The following STARD13 variants were observed in gnomAD, a reference collection of about 807,000 sequenced individuals.
The protein encoded by STARD13 is stAR-related lipid transfer protein 13.
Under a neutral mutation model 106.4 loss-of-function variants are expected in STARD13, and 62 were observed. That is an observed-to-expected ratio of 0.58 (90% CI 0.48 to 0.72). The LOEUF (loss-of-function observed/expected upper bound fraction) is 0.72, where lower values mean the gene tolerates loss of function less well. STARD13 is among the 30% of genes least tolerant of loss of function. The probability of loss-of-function intolerance (pLI) is 0.00; values close to 1 mark genes in which losing one functional copy is unlikely to be tolerated. For missense variants in STARD13, 1,387 were observed against 1,424.0 expected, an observed-to-expected ratio of 0.97 and a Z score of 0.42; for synonymous variants, 565 against 553.0, an observed-to-expected ratio of 1.02 and a Z score of -0.31.
chr13:33,253,897 A>T (rs1347073197), intron 1 of STARD13, among the ~76,000 whole-genome samples: 1 of 152,252 alleles, frequency 6.6e-6, no homozygotes, highest in African/African-American at 2.4e-5. Flanking sequence ...AACATAAATG[A>T]AGGTTTTTCA....
At chr13:33,575,811 C>T in the STARD13 span, among the ~76,000 whole-genome samples, 1 of 152,092 alleles carries the variant, frequency 6.6e-6, no homozygotes, top group Non-Finnish European at 1.5e-5. Context: ...CTAAATAAGC[C>T]TCTTTTTATT....
At chr13:33,662,518 G>A in the STARD13 span, among the ~76,000 whole-genome samples, 514 of 152,288 alleles carry the variant, frequency 3.4e-3, 1 homozygote, top group African/African-American at 0.012. Context: ...TGGTCAAGGT[G>A]CAAGTTACAT....
chr13:33,137,093 C>T (rs1447991067), intron 4 of STARD13, among the ~76,000 whole-genome samples: 1 of 152,112 alleles, frequency 6.6e-6, no homozygotes, highest in Non-Finnish European at 1.5e-5. Flanking sequence ...TCAGTTGAGC[C>T]TAACAATAAA....
At chr13:33,220,683 T>A (rs1295509451) in intron 1 of STARD13, among the ~76,000 whole-genome samples, 2 of 151,956 alleles carry the variant, frequency 1.3e-5, no homozygotes, top group African/African-American at 4.8e-5. Context: ...CAGAGCAAGA[T>A]TCCATCTCAA....
intron 4 of STARD13, among the ~76,000 whole-genome samples, chr13:33,137,554 A>T (rs552584349): frequency 6.6e-6 from 1 of 152,370 alleles, no homozygotes; most frequent in South Asian, 2.1e-4. Context: ...AGAAGGAATC[A>T]GCTCCTAGCT....
the STARD13 span, among the ~76,000 whole-genome samples, chr13:33,487,308 A>G: frequency 1.3e-5 from 2 of 152,174 alleles, no homozygotes; most frequent in South Asian, 4.1e-4. Flanking sequence ...ATATGTGTAA[A>G]GGATATGCTT....
chr13:33,129,523 T>C lies in STARD13; in HGVS notation c.1154A>G (p.His385Arg). ...LPDAGDQSRM[H>R]EFHSQENLVV... ...CAAATTCTCTTGGGAGTGAAATTCA[T>C]GCATACGGCTTTGGTCCCCTGCATC... is the stretch of plus-strand genomic sequence containing the variant. Residue 385 changes from histidine to arginine, a missense_variant, in exon 5 of 14, where the codon CAT becomes CGT. Coordinates refer to ENST00000336934, the MANE Select transcript of STARD13 (RefSeq NM_178006.4). 1 of 1,614,228 alleles carries C rather than the reference T, an allele frequency of 6.2e-7. No homozygotes were observed. Among genetic ancestry groups the C allele is most frequent in the Non-Finnish European group, 8.5e-7 (1 of 1,180,034 alleles).
chr13:33,177,764 AAGGAAAGG>A (rs1485874048), intron 1 of STARD13, among the ~76,000 whole-genome samples: 1 of 95,920 alleles, frequency 1.0e-5, no homozygotes, highest in African/African-American at 4.4e-5. Flanking sequence ...GGAAGGAAGG[AAGGAAAGG>A]AAGGAAGGAA....
chr13:33,116,653 A>T (rs775516274), intron 8 of STARD13, among the ~76,000 whole-genome samples: 7 of 152,256 alleles, frequency 4.6e-5, no homozygotes, highest in Non-Finnish European at 1.5e-5. Flanking sequence ...GATTAAATGT[A>T]AAAGACTCAT....
rs548539786 is a variant in STARD13, at chr13:33,126,067, G to A, written c.2082+14C>T. ...GGGGGTGGTGGGGCAGCAGCGGGGG[G>A]GTTACAGCCCTACCTGATCGAGGCA... On this transcript the variant is annotated intron_variant, in intron 7 of 13. Coordinates refer to ENST00000336934, the MANE Select transcript of STARD13 (RefSeq NM_178006.4). 6.2e-6 allele frequency: 10 copies of A among 1,612,534 alleles called. No homozygotes were observed. The highest frequency in any genetic ancestry group is 4.0e-5 in the African/African-American group (3 of 74,870).
At chr13:33,210,343 G>C (rs1429609693) in intron 1 of STARD13, among the ~76,000 whole-genome samples, 1 of 152,206 alleles carries the variant, frequency 6.6e-6, no homozygotes, top group African/African-American at 2.4e-5. Flanking sequence ...TCATGGATAA[G>C]AGTGTGCTCC....
At chr13:33,270,697 C>G (rs890148585) in intron 1 of STARD13, among the ~76,000 whole-genome samples, 1 of 152,180 alleles carries the variant, frequency 6.6e-6, no homozygotes, top group African/African-American at 2.4e-5. Context: ...CTACTGGGAA[C>G]ATAAGTGTTC....
chr13:33,233,755 C>A (rs1311288516), intron 1 of STARD13, among the ~76,000 whole-genome samples: 1 of 10,260 alleles, frequency 9.7e-5, no homozygotes, highest in African/African-American at 4.6e-4. Flanking sequence ...CACTGTAACA[C>A]CCCCTCTGGG....
chr13:33,594,270 A>G, the STARD13 span, among the ~76,000 whole-genome samples: 1 of 152,150 alleles, frequency 6.6e-6, no homozygotes, highest in Non-Finnish European at 1.5e-5. Flanking sequence ...AAACTTGCTG[A>G]AATATTATAG....
At chr13:33,168,486 A>G (rs1287892362) in intron 1 of STARD13, among the ~76,000 whole-genome samples, 8 of 152,176 alleles carry the variant, frequency 5.3e-5, no homozygotes, top group African/African-American at 1.9e-4. Flanking sequence ...TCATTTCCCA[A>G]CCACAACTCT....
chr13:33,529,359 T>G, the STARD13 span, among the ~76,000 whole-genome samples: 1 of 152,208 alleles, frequency 6.6e-6, no homozygotes, highest in Admixed American at 6.5e-5. Flanking sequence ...CAAGCTTTTG[T>G]AGTTTCATGC....
chr13:33,640,564 A>T, the STARD13 span, among the ~76,000 whole-genome samples: 1 of 152,190 alleles, frequency 6.6e-6, no homozygotes. Context: ...CCATTTAATC[A>T]TGGATTTGGC....
At chr13:33,392,985 C>T in the STARD13 span, among the ~76,000 whole-genome samples, 3,834 of 152,276 alleles carry the variant, frequency 0.025, 117 homozygotes, top group African/African-American at 0.075. Flanking sequence ...AGGTACAATA[C>T]GGCAAAGACT....
chr13:33,320,418 A>G (rs1893513426), intron 1 of STARD13, among the ~76,000 whole-genome samples: 1 of 152,102 alleles, frequency 6.6e-6, no homozygotes, highest in African/African-American at 2.4e-5. Flanking sequence ...GCTAACTAGC[A>G]TAAGAAAATG....
Sources: gnomAD v4.1 joint callset for allele counts (sites outside exome capture counted in the v4.1 genomes callset) on GRCh38, gnomAD v4.1.1 for gene constraint, MANE v1.5 for transcripts, NCBI Gene and HGNC (gene_info 2026-07-23, HGNC 2026-07-21) for gene names.